Variants in EPHA8 observed in about 807,000 individuals in gnomAD.
EPHA8 encodes the protein ephrin type-A receptor 8.
A neutral mutation model predicts 103.6 loss-of-function variants in EPHA8; 58 were observed. The observed-to-expected ratio is 0.56, with a 90% CI of 0.45 to 0.70. The LOEUF is 0.70. Ranked by LOEUF, EPHA8 falls within the 30% of genes least tolerant of loss-of-function variation. The pLI is 0.00. For missense variants in EPHA8, 1,304 were observed against 1,395.2 expected (o/e 0.93, Z 1.04); for synonymous variants, 559 against 572.5 (o/e 0.98, Z 0.34).
Position 22,597,741 on chromosome 1 carries a change from A to G in EPHA8, c.1996A>G (p.Ile666Val). Residue 666 changes from isoleucine to valine, a missense_variant, in exon 11 of 17, where the codon ATC becomes GTC. Transcript: ENST00000166244. The surrounding 1 kb of genome is among the most constrained non-coding windows in gnomAD (Gnocchi z 4.6). ...VPGQRDVPVA[I>V]KALKAGYTER... Reference sequence around the variant, plus strand: ...AGGGCAGCGGGATGTGCCCGTGGCCATCAAGGCCCTCAAAGCCGGCTACAC... The same window carrying G: ...AGGGCAGCGGGATGTGCCCGTGGCCGTCAAGGCCCTCAAAGCCGGCTACAC... 6.2e-7 allele frequency: 1 copy of G among 1,613,064 alleles called. No individual in the cohort carries two copies. The highest frequency in any genetic ancestry group is 1.6e-4 in the Middle Eastern group (1 of 6,062).
At position 22,602,377 on chromosome 1, in the gene EPHA8, C is replaced by G. The variant is rs889187097; in HGVS notation, c.*636C>G. On this transcript the variant is annotated 3_prime_UTR_variant, in exon 17 of 17. Transcript: ENST00000166244. ...ACTGCACCAGCACCAGGCCCACCCTCGTCTCTGCCTGGGTGAGCCCACCCC... is the reference window on the plus strand; with the variant it reads ...ACTGCACCAGCACCAGGCCCACCCTGGTCTCTGCCTGGGTGAGCCCACCCC... 1 of 153,538 alleles carries G rather than the reference C, an allele frequency of 6.5e-6. No homozygotes were observed. Among genetic ancestry groups the G allele is most frequent in the African/African-American group, 2.4e-5 (1 of 41,438 alleles). The allele number at this position is 153,538 out of a possible 1,614,324, so 9.5% of individuals were successfully genotyped here.
intron 3 of EPHA8, among the ~76,000 whole-genome samples, chr1:22,579,128 T>C (rs564580807): frequency 7.9e-6 from 1 of 127,128 alleles, no homozygotes; most frequent in Non-Finnish European, 1.8e-5. Flanking sequence ...CGTGTATGTG[T>C]GCATGTGTGT....
At chr1:22,578,703 GTGTA>G (rs1640905521) in intron 3 of EPHA8, among the ~76,000 whole-genome samples, 1 of 150,154 alleles carries the variant, frequency 6.7e-6, no homozygotes, top group Non-Finnish European at 1.5e-5. Context: ...GTGCCTGTGT[GTGTA>G]TGTATATGCA....
chr1:22,570,011 CCTCT>C (rs1225512692), intron 2 of EPHA8, among the ~76,000 whole-genome samples: 2 of 152,154 alleles, frequency 1.3e-5, no homozygotes, highest in Admixed American at 6.5e-5. Flanking sequence ...CACCATTTCA[CCTCT>C]CTGAGTCTCA....
At chr1:22,591,604 T>A (rs535005789) in intron 5 of EPHA8, among the ~76,000 whole-genome samples, 6 of 152,262 alleles carry the variant, frequency 3.9e-5, no homozygotes, top group Admixed American at 3.3e-4. Flanking sequence ...TGAGCGCACA[T>A]GCAATTCAGA....
chr1:22,597,932 C>G lies in EPHA8; in HGVS notation c.2116+71C>G, dbSNP rs886847096. The G allele has an allele frequency of 1.3e-6, 2 of 1,543,284 alleles. No individual in the cohort carries two copies. The highest frequency in any genetic ancestry group is 8.8e-7 in the Non-Finnish European group (1 of 1,134,012). ...CCTGGAGAGGCCTCTGGGTCCATCCCCTCATCCATCCTGCTCTGCCCCACC... is the reference window on the plus strand; with the variant it reads ...CCTGGAGAGGCCTCTGGGTCCATCCGCTCATCCATCCTGCTCTGCCCCACC... On this transcript the variant is annotated intron_variant, in intron 11 of 16. Coordinates refer to ENST00000166244, the MANE Select transcript of EPHA8 (RefSeq NM_020526.5). This position sits in a 1 kb window ranked among gnomAD's most constrained non-coding sequence, Gnocchi z 4.6.
At chr1:22,577,855 C>T (rs113832325) in intron 3 of EPHA8, among the ~76,000 whole-genome samples, 4 of 94,684 alleles carry the variant, frequency 4.2e-5, no homozygotes, top group African/African-American at 1.2e-4. Flanking sequence ...TGTGTGCATG[C>T]GTATGTATGC....
intron 3 of EPHA8, among the ~76,000 whole-genome samples, chr1:22,578,124 A>ATGTG (rs1476088005): frequency 9.8e-5 from 5 of 50,982 alleles, no homozygotes; most frequent in African/African-American, 2.7e-4. Context: ...GCGTGAGTGT[A>ATGTG]TGCATGTGTG....
chr1:22,584,884 C>T (rs1237642127), intron 3 of EPHA8, among the ~76,000 whole-genome samples: 2 of 152,162 alleles, frequency 1.3e-5, no homozygotes, highest in Non-Finnish European at 2.9e-5. Context: ...ATAAGGGAGT[C>T]GTACTCTGTT....
chr1:22,567,205 A>C lies in EPHA8; in HGVS notation c.95-2084A>C, dbSNP rs1042402952. Among the ~76,000 whole-genome samples, 2 of 152,094 alleles carry C rather than the reference A, an allele frequency of 1.3e-5. No individual in the cohort carries two copies. The highest frequency in any genetic ancestry group is 2.4e-5 in the African/African-American group (1 of 41,418). ...GGCTGCATCCAGGCCAGGTCACAGA[A>C]GGGGCCCAGTCACCCCGAGACCTGT... On this transcript the variant is annotated intron_variant, in intron 1 of 16. Transcript: ENST00000166244. This position sits in a 1 kb window ranked among gnomAD's most constrained non-coding sequence, Gnocchi z 4.2.
At chr1:22,579,095 G>A (rs1569981110) in intron 3 of EPHA8, among the ~76,000 whole-genome samples, 4 of 130,288 alleles carry the variant, frequency 3.1e-5, no homozygotes, top group African/African-American at 1.2e-4. Context: ...GTGCATGTGT[G>A]CATGTGTATG....
chr1:22,578,417 CATGTGTACGT>C (rs1042178541), intron 3 of EPHA8, among the ~76,000 whole-genome samples: 4 of 104,684 alleles, frequency 3.8e-5, no homozygotes, highest in Non-Finnish European at 5.8e-5. Flanking sequence ...TGCATGTCTG[CATGTGTACGT>C]ATGTGTACGT....
intron 3 of EPHA8, among the ~76,000 whole-genome samples, chr1:22,577,888 AGT>A (rs903570828): frequency 1.9e-4 from 13 of 69,422 alleles, no homozygotes; most frequent in African/African-American, 6.6e-4. Context: ...TGTGTTCATG[AGT>A]GTGTGCATGT....
intron 7 of EPHA8, among the ~76,000 whole-genome samples, chr1:22,594,711 AC>A (rs1641469751): frequency 1.3e-5 from 2 of 151,934 alleles, no homozygotes; most frequent in African/African-American, 2.4e-5. Flanking sequence ...TAGGCCTGGC[AC>A]CCCCTGGAGA....
chr1:22,585,972 C>A (rs556476282), intron 3 of EPHA8, among the ~76,000 whole-genome samples: 1 of 152,136 alleles, frequency 6.6e-6, no homozygotes, highest in Non-Finnish European at 1.5e-5. Context: ...GGTGTCCCCC[C>A]CCTTTCTAGT....
chr1:22,599,828 AGGGGAGGGAAGAGGAGAGG>A (rs1229715448), intron 13 of EPHA8, among the ~76,000 whole-genome samples: 35 of 226 alleles, frequency 0.15, no homozygotes, highest in Non-Finnish European at 0.21. Context: ...AAAGGAAGGG[AGGGGAGGGAAGAGGAGAGG>A]AGGGGAGGGA....
In EPHA8 at chr1:22,601,708, G is replaced by T; in HGVS notation, c.2985G>T (p.Leu995=). ...GCATTCAGACCATGCGGGCCCAGCTGACCAGCACCCAGGGGCCCCGCCGGC... is the reference window on the plus strand; with the variant it reads ...GCATTCAGACCATGCGGGCCCAGCTTACCAGCACCCAGGGGCCCCGCCGGC... ...LGSIQTMRAQ[L]TSTQGPRRHL is the part of the protein sequence containing the mutation. Residue 995 remains leucine, a synonymous_variant, in exon 17 of 17, where the codon CTG becomes CTT. Coordinates refer to ENST00000166244, the MANE Select transcript of EPHA8 (RefSeq NM_020526.5). The T allele has an allele frequency of 6.4e-7, 1 of 1,574,728 alleles. No individual in the cohort carries two copies.
At chr1:22,568,304 T>A (rs1259720913) in intron 1 of EPHA8, among the ~76,000 whole-genome samples, 1 of 152,204 alleles carries the variant, frequency 6.6e-6, no homozygotes, top group Non-Finnish European at 1.5e-5. Flanking sequence ...CCCTACCATG[T>A]TGAGCCTGCA....
rs11585855 is a variant in EPHA8, at chr1:22,597,196, C to A, written c.1766-116C>A. On this transcript the variant is annotated intron_variant, in intron 9 of 16. Transcript: ENST00000166244. This position sits in a 1 kb window ranked among gnomAD's most constrained non-coding sequence, Gnocchi z 4.6. ...GGGTGCGTGTTGTTTGCTACCACATCCAGAGACTCCCAGAGACACCCCTCA... is the reference window on the plus strand; with the variant it reads ...GGGTGCGTGTTGTTTGCTACCACATACAGAGACTCCCAGAGACACCCCTCA... 26,344 of 816,282 alleles carry A rather than the reference C, an allele frequency of 0.032. 532 individuals are homozygous for A. Among genetic ancestry groups the A allele is most frequent in the Middle Eastern group, 0.05 (131 of 2,642 alleles). The allele number at this position is 816,282 out of a possible 1,614,324, so 50.6% of individuals were successfully genotyped here. A position where few individuals can be genotyped will look rare whatever the true frequency, so the allele number is the denominator to read the frequency against.
Sources: allele counts gnomAD v4.1 joint callset (sites outside exome capture counted in the v4.1 genomes callset), GRCh38; gene constraint gnomAD v4.1.1; non-coding constraint Gnocchi (gnomAD v3.1); transcripts MANE v1.5; gene names NCBI Gene and HGNC (gene_info 2026-07-23, HGNC 2026-07-21).